Variants in GPD2 observed in about 807,000 individuals in gnomAD.
GPD2 encodes the protein glycerol-3-phosphate dehydrogenase 2.
Under a neutral mutation model 82.4 loss-of-function variants are expected in GPD2, and 54 were observed. The ratio of observed to expected loss-of-function variants is 0.66; its 90% CI spans 0.53 to 0.82. GPD2 has a LOEUF of 0.82. Among genes scored for constraint, GPD2 ranks in the 40% least tolerant of loss-of-function variants. GPD2 has a pLI of 0.00. For synonymous variants in GPD2, 288 were observed against 306.1 expected, an observed-to-expected ratio of 0.94 and a Z score of 0.62; for missense variants, 748 against 896.2, an observed-to-expected ratio of 0.83 and a Z score of 2.11.
chr2:156,401,060 G>A, the GPD2 span, among the ~76,000 whole-genome samples: 1 of 152,148 alleles, frequency 6.6e-6, no homozygotes, highest in Non-Finnish European at 1.5e-5. Context: ...TTCTTTATTT[G>A]CATGAGTCCA....
At chr2:156,454,698 G>C (rs1382620081) in intron 1 of GPD2, among the ~76,000 whole-genome samples, 1 of 152,128 alleles carries the variant, frequency 6.6e-6, no homozygotes, top group Non-Finnish European at 1.5e-5. Context: ...CAGAGTGGGA[G>C]GGAGGGAGGC....
At chr2:156,523,167 A>G (rs1371447188) in intron 6 of GPD2, among the ~76,000 whole-genome samples, 1 of 152,180 alleles carries the variant, frequency 6.6e-6, no homozygotes, top group Non-Finnish European at 1.5e-5. Context: ...TGATAAATAT[A>G]TAATGATATG....
intron 3 of GPD2, among the ~76,000 whole-genome samples, chr2:156,497,053 G>A (rs1405134996): frequency 4.6e-5 from 7 of 152,204 alleles, no homozygotes; most frequent in Non-Finnish European, 4.4e-5. Context: ...TGGATATGTT[G>A]TGTTTAATAA....
chr2:156,427,110 C>T, the GPD2 span, among the ~76,000 whole-genome samples: 149 of 152,326 alleles, frequency 9.8e-4, 1 homozygote, highest in South Asian at 0.028. Flanking sequence ...TCTCTATACC[C>T]CAGCCTCATT....
intron 3 of GPD2, among the ~76,000 whole-genome samples, chr2:156,506,759 C>T (rs1000508702): frequency 6.6e-6 from 1 of 152,184 alleles, no homozygotes; most frequent in Non-Finnish European, 1.5e-5. Flanking sequence ...CTCTACCCCT[C>T]ATTCCTGCAG....
intron 6 of GPD2, 24 bp from the exon 7 acceptor site, chr2:156,549,584 C>G (rs370487625): frequency 6.2e-7 from 1 of 1,611,464 alleles, no homozygotes. Context: ...TCCTCTCCCT[C>G]CCCTGATGCT....
intron 1 of GPD2, among the ~76,000 whole-genome samples, chr2:156,462,606 A>G (rs1558910679): frequency 6.6e-6 from 1 of 152,066 alleles, no homozygotes. Flanking sequence ...CTAGCCTGAC[A>G]TTCTTAACTC....
chr2:156,417,789 A>C, the GPD2 span, among the ~76,000 whole-genome samples: 1 of 152,062 alleles, frequency 6.6e-6, no homozygotes, highest in Non-Finnish European at 1.5e-5. Context: ...AGGCTGAGGT[A>C]GGAGGATTGC....
intron 1 of GPD2, among the ~76,000 whole-genome samples, chr2:156,441,678 G>A (rs997999262): frequency 2.0e-5 from 3 of 152,218 alleles, no homozygotes; most frequent in Admixed American, 2.0e-4. Flanking sequence ...CAGAAGTGTG[G>A]ATATCCCGGG....
At chr2:156,456,763 A>T (rs1682803187) in intron 1 of GPD2, among the ~76,000 whole-genome samples, 1 of 151,346 alleles carries the variant, frequency 6.6e-6, no homozygotes, top group Non-Finnish European at 1.5e-5. Flanking sequence ...GTGTAGATGG[A>T]TAGGGAATGC....
chr2:156,412,530 T>C, the GPD2 span, among the ~76,000 whole-genome samples: 1 of 152,148 alleles, frequency 6.6e-6, no homozygotes. Flanking sequence ...GATGGGGGCA[T>C]TTAGCCCCTC....
Position 156,569,389 on chromosome 2 carries a change from A to G in GPD2, c.1327A>G (p.Met443Val), listed in dbSNP as rs750964973. The G allele has an allele frequency of 4.3e-6, 7 of 1,611,176 alleles. No individual in the cohort carries two copies. Among genetic ancestry groups the G allele is most frequent in the African/African-American group, 2.7e-5 (2 of 74,948 alleles). Residue 443 changes from methionine (M) to valine (V), a missense_variant, in exon 11 of 17, where the codon ATG becomes GTG. Around this residue, in one of 3 missense-constraint regions of GPD2, gnomAD observed 692 missense variants for 809.7 expected, o/e 0.85. Coordinates refer to ENST00000438166, the MANE Select transcript of GPD2 (RefSeq NM_000408.5). ...AGGKWTTYRS[M>V]AEDTINAAVK... Reference sequence around the variant, plus strand: ...TGGAAAGTGGACAACTTATCGGTCTATGGCAGAAGATACCATAAATGCTGC... The same window carrying G: ...TGGAAAGTGGACAACTTATCGGTCTGTGGCAGAAGATACCATAAATGCTGC...
chr2:156,536,509 T>G (rs1010339361), intron 6 of GPD2, among the ~76,000 whole-genome samples: 2 of 152,266 alleles, frequency 1.3e-5, no homozygotes, highest in African/African-American at 2.4e-5. Context: ...GTAACTCTTA[T>G]TCTTGTTTTC....
intron 13 of GPD2, among the ~76,000 whole-genome samples, chr2:156,575,308 T>C (rs969497392): frequency 7.9e-5 from 12 of 152,142 alleles, no homozygotes; most frequent in Non-Finnish European, 1.5e-4. Context: ...GTTTATTTTA[T>C]CAGCATTTAT....
At chr2:156,576,143 T>C (rs1215723614) in intron 13 of GPD2, among the ~76,000 whole-genome samples, 1 of 152,196 alleles carries the variant, frequency 6.6e-6, no homozygotes, top group Non-Finnish European at 1.5e-5. Flanking sequence ...TGGTTTTAGT[T>C]AACTGTGAAT....
intron 9 of GPD2, among the ~76,000 whole-genome samples, chr2:156,567,063 T>G (rs778585444): frequency 8.5e-5 from 13 of 152,132 alleles, no homozygotes; most frequent in Non-Finnish European, 1.9e-4. Flanking sequence ...TCAAGTTGTT[T>G]GCTTTTTGTT....
chr2:156,489,431 A>G (rs1288085215), intron 2 of GPD2, among the ~76,000 whole-genome samples: 3 of 151,954 alleles, frequency 2.0e-5, no homozygotes, highest in Admixed American at 6.6e-5. Context: ...CTTTTTCTCT[A>G]CTTGATTTAG....
At chr2:156,440,777 T>G (rs1397759419) in intron 1 of GPD2, among the ~76,000 whole-genome samples, 8 of 152,326 alleles carry the variant, frequency 5.3e-5, no homozygotes, top group African/African-American at 1.9e-4. Flanking sequence ...CAAGTACAAA[T>G]GTATTGTGAC....
At chr2:156,561,338 G>T (rs184529200) in intron 9 of GPD2, among the ~76,000 whole-genome samples, 1 of 152,150 alleles carries the variant, frequency 6.6e-6, no homozygotes, top group African/African-American at 2.4e-5. Context: ...GAGCCACCGC[G>T]CCCAGCCTAA....
Sources: gnomAD v4.1 joint callset for allele counts (sites outside exome capture counted in the v4.1 genomes callset) on GRCh38, gnomAD v4.1.1 for gene constraint, gnomAD v4.1.1 regional missense constraint, MANE v1.5 for transcripts, NCBI Gene and HGNC (gene_info 2026-07-23, HGNC 2026-07-21) for gene names.